The following DPP10 variants were observed in gnomAD, a reference collection of about 807,000 sequenced individuals.
DPP10 encodes the protein dipeptidyl peptidase like 10, also known as inactive dipeptidyl peptidase 10.
Under a neutral mutation model 120.9 loss-of-function variants are expected in DPP10, and 33 were observed. The observed-to-expected ratio is 0.27, with a 90% CI of 0.21 to 0.37. The LOEUF (loss-of-function observed/expected upper bound fraction) is 0.37, where lower values mean the gene tolerates loss of function less well. DPP10 is among the 10% of genes least tolerant of loss of function. DPP10 has a pLI of 1.00. For synonymous variants in DPP10, 337 were observed against 326.1 expected, an observed-to-expected ratio of 1.03 and a Z score of -0.36; for missense variants, 816 against 942.8, an observed-to-expected ratio of 0.87 and a Z score of 1.76.
chr2:115,559,764 T>A (rs1405602365), intron 5 of DPP10, among the ~76,000 whole-genome samples: 1 of 152,166 alleles, frequency 6.6e-6, no homozygotes, highest in African/African-American at 2.4e-5. Context: ...CTGAAGTATA[T>A]CTTACAAATA....
intron 1 of DPP10, among the ~76,000 whole-genome samples, chr2:114,637,839 T>G (rs1695410191): frequency 6.6e-6 from 1 of 151,854 alleles, no homozygotes; most frequent in Non-Finnish European, 1.5e-5. Context: ...GTTCCATTGG[T>G]CTGTATGTCT....
intron 3 of DPP10, among the ~76,000 whole-genome samples, chr2:115,345,953 A>T (rs189875145): frequency 1.3e-5 from 2 of 152,200 alleles, no homozygotes; most frequent in Non-Finnish European, 2.9e-5. Flanking sequence ...ACCTAAATAT[A>T]TAATTTTTAT....
intron 1 of DPP10, among the ~76,000 whole-genome samples, chr2:114,566,124 G>C (rs35463802): frequency 0.19 from 29,312 of 152,072 alleles, 2,942 homozygotes; most frequent in African/African-American, 0.22. Flanking sequence ...AGGGGTTCAG[G>C]TTCAATTATC....
At chr2:115,748,465 T>A (rs1303908577) in intron 10 of DPP10, among the ~76,000 whole-genome samples, 1 of 152,108 alleles carries the variant, frequency 6.6e-6, no homozygotes, top group Non-Finnish European at 1.5e-5. Flanking sequence ...ATTGAATACA[T>A]ATATGATTAT....
At chr2:115,463,738 T>C (rs1315582196) in intron 3 of DPP10, among the ~76,000 whole-genome samples, 3 of 152,192 alleles carry the variant, frequency 2.0e-5, no homozygotes, top group Non-Finnish European at 4.4e-5. Flanking sequence ...GCTGACTTTC[T>C]TGGTTAAAAA....
intron 1 of DPP10, among the ~76,000 whole-genome samples, chr2:114,552,753 C>T (rs1462403497): frequency 4.6e-5 from 7 of 152,074 alleles, no homozygotes; most frequent in Non-Finnish European, 1.0e-4. Context: ...ACCATGTTGG[C>T]CAGGATGGTC....
At chr2:115,112,461 A>G (rs1324865236) in intron 1 of DPP10, among the ~76,000 whole-genome samples, 1 of 152,138 alleles carries the variant, frequency 6.6e-6, no homozygotes, top group Non-Finnish European at 1.5e-5. Context: ...TATCATGTAC[A>G]ACAAGTTGCT....
intron 2 of DPP10, among the ~76,000 whole-genome samples, chr2:115,324,175 C>T (rs1280848029): frequency 6.6e-6 from 1 of 152,100 alleles, no homozygotes; most frequent in East Asian, 1.9e-4. Context: ...ACTCGGGAGG[C>T]TGAGGCAGGA....
chr2:114,632,401 T>G (rs1694988273), intron 1 of DPP10, among the ~76,000 whole-genome samples: 1 of 151,746 alleles, frequency 6.6e-6, no homozygotes, highest in Non-Finnish European at 1.5e-5. Flanking sequence ...AAGTACTATA[T>G]ATATATATTT....
chr2:115,766,968 T>C (rs986085369), intron 12 of DPP10, among the ~76,000 whole-genome samples: 6 of 152,170 alleles, frequency 3.9e-5, no homozygotes, highest in Non-Finnish European at 7.4e-5. Flanking sequence ...GGGATTTCAA[T>C]ACGACATGAG....
intron 1 of DPP10, among the ~76,000 whole-genome samples, chr2:114,918,865 A>G (rs1262888399): frequency 6.6e-6 from 1 of 152,074 alleles, no homozygotes; most frequent in Non-Finnish European, 1.5e-5. Context: ...TACCTGGGTG[A>G]TGAAATCATT....
chr2:115,447,073 C>T (rs1574872335), intron 3 of DPP10, among the ~76,000 whole-genome samples: 1 of 152,272 alleles, frequency 6.6e-6, no homozygotes, highest in East Asian at 1.9e-4. Flanking sequence ...CACTGCAAAG[C>T]CACAGTGGTG....
chr2:114,605,701 A>G (rs1692731088), intron 1 of DPP10, among the ~76,000 whole-genome samples: 1 of 152,116 alleles, frequency 6.6e-6, no homozygotes, highest in Admixed American at 6.6e-5. Context: ...TCAAGACCTG[A>G]CAAGTCCTGT....
At chr2:114,758,860 A>G (rs1470480160) in intron 1 of DPP10, among the ~76,000 whole-genome samples, 4 of 152,212 alleles carry the variant, frequency 2.6e-5, no homozygotes, top group Admixed American at 2.6e-4. Flanking sequence ...TCGTGAAATT[A>G]AAAAACGAAA....
At chr2:114,669,279 T>C (rs1698158544) in intron 1 of DPP10, among the ~76,000 whole-genome samples, 3 of 152,188 alleles carry the variant, frequency 2.0e-5, no homozygotes, top group Admixed American at 2.0e-4. Context: ...TCAGCAATGC[T>C]TTTAATAAAT....
At chr2:114,919,385 C>A (rs1055060092) in intron 1 of DPP10, among the ~76,000 whole-genome samples, 1 of 152,166 alleles carries the variant, frequency 6.6e-6, no homozygotes, top group African/African-American at 2.4e-5. Context: ...GTTTAATTGA[C>A]TGAAGAGGAC....
intron 1 of DPP10, among the ~76,000 whole-genome samples, chr2:115,269,934 C>G (rs2059618261): frequency 6.6e-6 from 1 of 152,096 alleles, no homozygotes. Context: ...TGGCTATAAA[C>G]TTTAGCCCTG....
intron 1 of DPP10, among the ~76,000 whole-genome samples, chr2:115,047,492 T>A (rs1449107640): frequency 6.6e-6 from 1 of 152,042 alleles, no homozygotes; most frequent in Non-Finnish European, 1.5e-5. Context: ...GAGTAAAAAT[T>A]ATTTCCAATT....
At chr2:115,248,603 G>T (rs946619217) in intron 1 of DPP10, among the ~76,000 whole-genome samples, 3 of 152,178 alleles carry the variant, frequency 2.0e-5, no homozygotes, top group South Asian at 4.1e-4. Flanking sequence ...AGTAGGTAAA[G>T]TTCAAATTGC....
Sources: gnomAD v4.1 joint callset for allele counts (sites outside exome capture counted in the v4.1 genomes callset) on GRCh38, gnomAD v4.1.1 for gene constraint, MANE v1.5 for transcripts, NCBI Gene and HGNC (gene_info 2026-07-23, HGNC 2026-07-21) for gene names.